The following CTBP2 variants were observed in gnomAD, a reference collection of about 807,000 sequenced individuals.
The protein encoded by CTBP2 is C-terminal binding protein 2.
CTBP2 carries 30 observed loss-of-function variants against 80.3 expected under a neutral mutation model. The observed-to-expected ratio is 0.37, with a 90% CI of 0.28 to 0.51. The LOEUF (loss-of-function observed/expected upper bound fraction) is 0.51. Among genes scored for constraint, CTBP2 ranks in the 20% least tolerant of loss-of-function variants. The pLI is 0.93. For synonymous variants in CTBP2, 594 were observed against 587.4 expected, an observed-to-expected ratio of 1.01 and a Z score of -0.16; for missense variants, 1,212 against 1,375.3, an observed-to-expected ratio of 0.88 and a Z score of 1.88.
upstream of CTBP2, among the ~76,000 whole-genome samples, chr10:125,162,000 C>T (rs1861928664): frequency 6.6e-6 from 1 of 152,208 alleles, no homozygotes; most frequent in African/African-American, 2.4e-5. Context: ...GTCCGAGCGC[C>T]GTCTCCGGAA....
chr10:125,154,191 T>C (rs2133459163), intron 1 of CTBP2, among the ~76,000 whole-genome samples: 1 of 152,320 alleles, frequency 6.6e-6, no homozygotes, highest in South Asian at 2.1e-4. Flanking sequence ...TAAGTATTTT[T>C]GTATTTTATA....
At chr10:125,029,139 T>C (rs1225310655), upstream of CTBP2, among the ~76,000 whole-genome samples, 11 of 152,190 alleles carry the variant, frequency 7.2e-5, no homozygotes, top group Admixed American at 7.2e-4. Context: ...CCTGCAAGCA[T>C]TAAACCCGAG....
At chr10:125,004,644 A>C (rs1954991615) in intron 1 of CTBP2, among the ~76,000 whole-genome samples, 1 of 152,178 alleles carries the variant, frequency 6.6e-6, no homozygotes, top group Non-Finnish European at 1.5e-5. Flanking sequence ...GCCTCAGATT[A>C]AAACTTTGGG....
chr10:125,109,195 T>A (rs993014474), intron 2 of CTBP2, among the ~76,000 whole-genome samples: 2 of 152,220 alleles, frequency 1.3e-5, no homozygotes, highest in African/African-American at 4.8e-5. Flanking sequence ...AGAAAATGAT[T>A]TCCAACACTG....
chr10:125,099,331 T>C (rs1433260444), intron 2 of CTBP2, among the ~76,000 whole-genome samples: 1 of 152,240 alleles, frequency 6.6e-6, no homozygotes. Context: ...CTGTGCAGCG[T>C]CTGGCACGCA....
intron 2 of CTBP2, among the ~76,000 whole-genome samples, chr10:125,079,445 G>A (rs1229648750): frequency 6.6e-6 from 1 of 152,214 alleles, no homozygotes; most frequent in Non-Finnish European, 1.5e-5. Context: ...TAGGGATTCA[G>A]TCCTGCGAAT....
At chr10:125,031,472 G>C (rs1384114868), upstream of CTBP2, among the ~76,000 whole-genome samples, 2 of 108,172 alleles carry the variant, frequency 1.8e-5, no homozygotes, top group African/African-American at 7.2e-5. Context: ...CTGGGCAACA[G>C]AGCAAGACTC....
At chr10:125,095,836 T>A (rs1849463913) in intron 2 of CTBP2, among the ~76,000 whole-genome samples, 1 of 152,148 alleles carries the variant, frequency 6.6e-6, no homozygotes, top group South Asian at 2.1e-4. Context: ...CTGTGGTGAC[T>A]CCAGGTTTAG....
rs76134089 is a variant in CTBP2, at chr10:125,026,571, G to A, written c.1189C>T (p.Pro397Ser). 3.9e-6 allele frequency: 6 copies of A among 1,541,550 alleles called. No homozygotes were observed. The South Asian group carries it at 5.8e-5, about 15-fold the overall frequency. ...CGGCGAGCCGGGTCTCCAGCTCGGG[G>A]GGATGCTGTCTGCAGAGGAGCCGCA... Residue 397 changes from proline to serine, a missense_variant, in exon 1 of 9, where the codon CCC becomes TCC. Physicochemically the swap from Pro to Ser is moderately conservative, Grantham distance 74. Transcript: ENST00000309035.
chr10:125,079,690 T>A (rs1032787820), intron 2 of CTBP2, among the ~76,000 whole-genome samples: 9 of 152,220 alleles, frequency 5.9e-5, no homozygotes, highest in African/African-American at 2.2e-4. Context: ...CACAGGAAAA[T>A]GTATTGTCAT....
chr10:125,036,817 G>A (rs1223406242), intron 3 of CTBP2, among the ~76,000 whole-genome samples: 2 of 152,076 alleles, frequency 1.3e-5, no homozygotes, highest in African/African-American at 4.8e-5. Context: ...GACTGCCCGG[G>A]TTCCTGGGTG....
chr10:125,098,156 G>A (rs1849840463), intron 2 of CTBP2, among the ~76,000 whole-genome samples: 1 of 152,154 alleles, frequency 6.6e-6, no homozygotes, highest in Non-Finnish European at 1.5e-5. Flanking sequence ...AACAATACCA[G>A]TAACAGCAGC....
intron 2 of CTBP2, among the ~76,000 whole-genome samples, chr10:125,109,689 T>C (rs1437351447): frequency 1.3e-5 from 2 of 152,224 alleles, no homozygotes; most frequent in African/African-American, 4.8e-5. Context: ...CGCTCTGCTA[T>C]GGCCTTTGGC....
intron 1 of CTBP2, among the ~76,000 whole-genome samples, chr10:125,131,524 C>T (rs17644332): frequency 0.072 from 10,966 of 152,158 alleles, 572 homozygotes; most frequent in Middle Eastern, 0.13. Context: ...TGGGAGACGG[C>T]GCTGCTTTCT....
intron 2 of CTBP2, among the ~76,000 whole-genome samples, chr10:125,059,774 G>A (rs1373001721): frequency 6.6e-6 from 1 of 151,658 alleles, no homozygotes; most frequent in Non-Finnish European, 1.5e-5. Flanking sequence ...CCAATTTCCT[G>A]CCCGCCCACC....
intron 2 of CTBP2, among the ~76,000 whole-genome samples, chr10:125,096,570 A>G (rs981325574): frequency 1.3e-5 from 2 of 152,170 alleles, no homozygotes; most frequent in African/African-American, 4.8e-5. Context: ...TGCAGGTTAT[A>G]GCACGTGGTC....
intron 1 of CTBP2, among the ~76,000 whole-genome samples, chr10:125,136,935 G>C (rs554687151): frequency 1.3e-5 from 2 of 152,142 alleles, no homozygotes; most frequent in African/African-American, 4.8e-5. Context: ...AATGGGCTCC[G>C]GGCTCGTGTC....
chr10:125,020,930 A>T (rs945662618), intron 1 of CTBP2, among the ~76,000 whole-genome samples: 1 of 152,242 alleles, frequency 6.6e-6, no homozygotes, highest in Admixed American at 6.5e-5. Flanking sequence ...CTAAGCTTTA[A>T]CAAGACAGAG....
chr10:125,026,573 G>T lies in CTBP2; in HGVS notation c.1187C>A (p.Ser396Tyr), dbSNP rs778749700. Residue 396 changes from serine (S) to tyrosine (Y), a missense_variant, in exon 1 of 9, where the codon TCC (serine) becomes TAC (tyrosine). By Grantham distance (144) the Ser-to-Tyr change is moderately radical. Around this residue, in one of 3 missense-constraint regions of CTBP2, gnomAD observed 848 missense variants for 782.3 expected, o/e 1.08. Transcript: ENST00000309035. ...GCGAGCCGGGTCTCCAGCTCGGGGG[G>T]ATGCTGTCTGCAGAGGAGCCGCAGC... 2 of 1,565,610 alleles carry T rather than the reference G, an allele frequency of 1.3e-6. No homozygotes were observed. Among genetic ancestry groups the T allele is most frequent in the Admixed American group, 1.9e-5 (1 of 52,054 alleles).
Sources: allele counts gnomAD v4.1 joint callset (sites outside exome capture counted in the v4.1 genomes callset), GRCh38; gene constraint gnomAD v4.1.1; regional missense constraint gnomAD v4.1.1; transcripts MANE v1.5; gene names NCBI Gene and HGNC (gene_info 2026-07-23, HGNC 2026-07-21).